PTPRN2: variants seen among roughly 807,000 people sequenced by gnomAD.
PTPRN2 encodes protein tyrosine phosphatase receptor type N2.
A neutral mutation model predicts 118.8 loss-of-function variants in PTPRN2; 74 were observed. The observed-to-expected ratio is 0.62, with a 90% confidence interval of 0.52 to 0.76. PTPRN2 has a LOEUF of 0.76. PTPRN2 is among the 30% of genes least tolerant of loss of function. The pLI is 0.00. For synonymous variants in PTPRN2, 641 were observed against 608.0 expected, an observed-to-expected ratio of 1.05 and a Z score of -0.80; for missense variants, 1,481 against 1,394.4, an observed-to-expected ratio of 1.06 and a Z score of -0.99.
At chr7:157,582,768 G>A (rs181807113) in intron 17 of PTPRN2, among the ~76,000 whole-genome samples, 3 of 151,926 alleles carry the variant, frequency 2.0e-5, no homozygotes, top group African/African-American at 4.8e-5. Flanking sequence ...CAGCTACTCA[G>A]GAGGCTGAGG....
At chr7:158,008,967 T>A (rs1252447479) in intron 11 of PTPRN2, among the ~76,000 whole-genome samples, 1 of 152,216 alleles carries the variant, frequency 6.6e-6, no homozygotes, top group African/African-American at 2.4e-5. Context: ...CTTTCACCTT[T>A]GTTTCCAAGA....
chr7:158,476,733 G>A (rs554823095), intron 2 of PTPRN2, among the ~76,000 whole-genome samples: 31 of 152,372 alleles, frequency 2.0e-4, no homozygotes, highest in African/African-American at 6.7e-4. Context: ...CGTCCTTAGC[G>A]GGGATGCTAT....
At chr7:157,584,643 G>GCAGAA (rs1408128681) in intron 17 of PTPRN2, among the ~76,000 whole-genome samples, 2 of 152,364 alleles carry the variant, frequency 1.3e-5, no homozygotes, top group African/African-American at 4.8e-5. Flanking sequence ...GCTCATTTCT[G>GCAGAA]TTGTGAGCGT....
chr7:157,759,101 C>T (rs1441506773), intron 12 of PTPRN2, among the ~76,000 whole-genome samples: 1 of 152,248 alleles, frequency 6.6e-6, no homozygotes, highest in Non-Finnish European at 1.5e-5. Flanking sequence ...AAAATCATGT[C>T]CTGTGAAGCC....
intron 3 of PTPRN2, among the ~76,000 whole-genome samples, chr7:158,279,503 G>A (rs1167115569): frequency 6.6e-6 from 1 of 152,206 alleles, no homozygotes; most frequent in African/African-American, 2.4e-5. Flanking sequence ...GAGAAAAAGA[G>A]GGGAAGCGAG....
At chr7:158,275,311 G>A (rs997155330) in intron 3 of PTPRN2, among the ~76,000 whole-genome samples, 2 of 152,176 alleles carry the variant, frequency 1.3e-5, no homozygotes, top group African/African-American at 2.4e-5. Context: ...CTGTCTCCAT[G>A]GGAAGGCGCG....
chr7:157,706,622 A>T (rs1798345043), intron 12 of PTPRN2, among the ~76,000 whole-genome samples: 1 of 151,068 alleles, frequency 6.6e-6, no homozygotes, highest in African/African-American at 2.4e-5. Context: ...AGTGCCTTCC[A>T]GATCAACGTG....
At chr7:158,585,507 A>G (rs112689117) in intron 1 of PTPRN2, among the ~76,000 whole-genome samples, 2,091 of 152,300 alleles carry the variant, frequency 0.014, 24 homozygotes, top group Non-Finnish European at 0.023. Context: ...GTTACCAGTG[A>G]CACCGTGATC....
intron 3 of PTPRN2, among the ~76,000 whole-genome samples, chr7:158,247,192 C>G (rs1436969180): frequency 6.6e-6 from 1 of 152,178 alleles, no homozygotes; most frequent in Non-Finnish European, 1.5e-5. Flanking sequence ...CCGTGGGTGG[C>G]ACCCCCCAGC....
chr7:157,841,753 A>T (rs1808437076), intron 12 of PTPRN2, among the ~76,000 whole-genome samples: 1 of 152,124 alleles, frequency 6.6e-6, no homozygotes, highest in Admixed American at 6.5e-5. Flanking sequence ...TGCTTGAGAA[A>T]CACTACTATT....
At chr7:157,670,562 C>T (rs767023652) in intron 13 of PTPRN2, among the ~76,000 whole-genome samples, 12 of 152,334 alleles carry the variant, frequency 7.9e-5, no homozygotes, top group East Asian at 5.8e-4. Flanking sequence ...CTTTAACCCA[C>T]GATGCCTGCA....
chr7:157,890,560 T>C (rs1213186912), intron 12 of PTPRN2, among the ~76,000 whole-genome samples: 1 of 152,178 alleles, frequency 6.6e-6, no homozygotes, highest in Non-Finnish European at 1.5e-5. Context: ...GAGAATGGCG[T>C]GAACCTGGGA....
chr7:157,665,351 C>T (rs1176148857), intron 13 of PTPRN2, among the ~76,000 whole-genome samples: 1 of 152,228 alleles, frequency 6.6e-6, no homozygotes, highest in East Asian at 1.9e-4. Flanking sequence ...ATTTGCGTGA[C>T]TCAATAACCA....
intron 2 of PTPRN2, among the ~76,000 whole-genome samples, chr7:158,394,605 C>T (rs137944964): frequency 1.9e-3 from 291 of 152,354 alleles, no homozygotes; most frequent in South Asian, 8.3e-3. Context: ...TCGTCCATCC[C>T]CCCAGGCGCA....
intron 11 of PTPRN2, among the ~76,000 whole-genome samples, chr7:157,976,699 G>C (rs188015575): frequency 6.6e-6 from 1 of 151,862 alleles, no homozygotes; most frequent in Admixed American, 6.6e-5. Context: ...GACTTGTGCC[G>C]CAGATTGGGG....
intron 11 of PTPRN2, among the ~76,000 whole-genome samples, chr7:158,065,467 T>C (rs761340136): frequency 6.6e-6 from 1 of 152,246 alleles, no homozygotes. Context: ...TGTGTTCACA[T>C]GGTCATCTGA....
intron 3 of PTPRN2, among the ~76,000 whole-genome samples, chr7:158,240,590 G>A (rs183797901): frequency 2.6e-4 from 40 of 152,194 alleles, no homozygotes; most frequent in African/African-American, 9.1e-4. Context: ...CACCACACCC[G>A]GCTAATTTTT....
At chr7:158,261,738 G>A (rs1422321945) in intron 3 of PTPRN2, among the ~76,000 whole-genome samples, 1 of 152,220 alleles carries the variant, frequency 6.6e-6, no homozygotes, top group African/African-American at 2.4e-5. Flanking sequence ...CTCTGTGGAA[G>A]ACGCCATGCA....
At chr7:157,741,108 G>A (rs551599696) in intron 12 of PTPRN2, among the ~76,000 whole-genome samples, 2 of 152,296 alleles carry the variant, frequency 1.3e-5, no homozygotes, top group East Asian at 3.9e-4. Flanking sequence ...ACTCACAGTC[G>A]GAGCCACCCC....
Sources: allele counts gnomAD v4.1 joint callset (sites outside exome capture counted in the v4.1 genomes callset), GRCh38; gene constraint gnomAD v4.1.1; transcripts MANE v1.5; gene names NCBI Gene and HGNC (gene_info 2026-07-23, HGNC 2026-07-21).